Variants in CFAP47 observed in about 807,000 individuals in gnomAD.
The protein encoded by CFAP47 is cilia and flagella associated protein 47.
In CFAP47, 29 loss-of-function variants were observed where a neutral mutation model predicts 148.1. That is an observed-to-expected ratio of 0.20 (90% confidence interval 0.15 to 0.27). The LOEUF (loss-of-function observed/expected upper bound fraction) is 0.27. CFAP47 is among the 10% of genes least tolerant of loss of function. The pLI, the probability that CFAP47 is intolerant of heterozygous loss-of-function variation, is 1.00. For synonymous variants in CFAP47, 664 were observed against 577.3 expected (o/e 1.15, Z -2.15); for missense variants, 1,872 against 1,697.5 (o/e 1.10, Z -1.81).
At chrX:35,943,055 T>C (rs1432144492) in intron 3 of CFAP47, among the ~76,000 whole-genome samples, 2 of 111,428 alleles carry the variant, frequency 1.8e-5, no homozygotes, top group East Asian at 5.6e-4. Context: ...AATCAGATTA[T>C]TGTTTCTACT....
At chrX:36,079,059 T>C (rs1284044168) in intron 29 of CFAP47, among the ~76,000 whole-genome samples, 1 of 112,186 alleles carries the variant, frequency 8.9e-6, no homozygotes, top group Non-Finnish European at 1.9e-5. Context: ...GTTAGTCTGA[T>C]GGACTTCCCT....
At chrX:35,943,866 A>C (rs1936047507) in intron 3 of CFAP47, among the ~76,000 whole-genome samples, 1 of 111,075 alleles carries the variant, frequency 9.0e-6, no homozygotes, top group Admixed American at 9.6e-5. Flanking sequence ...TATGGAGTAC[A>C]TGAGATGTTT....
intron 49 of CFAP47, among the ~76,000 whole-genome samples, chrX:36,268,806 T>A (rs1307393692): frequency 8.9e-6 from 1 of 111,973 alleles, no homozygotes; most frequent in Non-Finnish European, 1.9e-5. Context: ...ATCTCAGATA[T>A]AGCAGTTACA....
intron 49 of CFAP47, among the ~76,000 whole-genome samples, chrX:36,276,491 T>C (rs1291600119): frequency 8.9e-6 from 1 of 112,187 alleles, no homozygotes; most frequent in Non-Finnish European, 1.9e-5. Context: ...TATTAAATTT[T>C]AGTATGTGTT....
At chrX:36,189,743 T>C (rs1555986216) in intron 41 of CFAP47, among the ~76,000 whole-genome samples, 1 of 112,309 alleles carries the variant, frequency 8.9e-6, no homozygotes, top group African/African-American at 3.2e-5. Context: ...AAACATTGCA[T>C]AGTCCACACA....
intron 49 of CFAP47, among the ~76,000 whole-genome samples, chrX:36,261,120 G>GT (rs1468848085): frequency 1.4e-3 from 105 of 74,060 alleles, no homozygotes; most frequent in African/African-American, 8.3e-3. Flanking sequence ...TTGTAGTATA[G>GT]TTTCTTTTTT....
chrX:35,942,658 G>A (rs1271916940), intron 3 of CFAP47, among the ~76,000 whole-genome samples: 2 of 111,391 alleles, frequency 1.8e-5, no homozygotes, highest in Non-Finnish European at 3.8e-5. Flanking sequence ...AACCTTCAAT[G>A]TTTTGATAGC....
chrX:36,049,022 G>A (rs998222970), intron 26 of CFAP47, among the ~76,000 whole-genome samples: 1 of 111,142 alleles, frequency 9.0e-6, no homozygotes, highest in Non-Finnish European at 1.9e-5. Flanking sequence ...AATAGGGTGA[G>A]AACCAGGAGA....
intron 37 of CFAP47, among the ~76,000 whole-genome samples, chrX:36,152,104 G>T (rs1426058683): frequency 9.4e-6 from 1 of 105,876 alleles, no homozygotes; most frequent in Non-Finnish European, 1.9e-5. Flanking sequence ...TGGTGATTAG[G>T]TTTTCTTCTC....
chrX:36,360,963 T>C (rs1556019127), intron 60 of CFAP47, among the ~76,000 whole-genome samples: 1 of 112,084 alleles, frequency 8.9e-6, no homozygotes, highest in Non-Finnish European at 1.9e-5. Context: ...TTTAAGTCTA[T>C]AGGTTTTTAA....
At chrX:36,293,484 C>G (rs1556005905) in intron 51 of CFAP47, among the ~76,000 whole-genome samples, 1 of 112,265 alleles carries the variant, frequency 8.9e-6, no homozygotes, top group Non-Finnish European at 1.9e-5. Flanking sequence ...TGATTCCTTC[C>G]TTTTTAGGGA....
intron 15 of CFAP47, among the ~76,000 whole-genome samples, chrX:35,987,498 G>GTGC (rs750365418): frequency 1.8e-5 from 2 of 111,726 alleles, no homozygotes; most frequent in African/African-American, 6.5e-5. Flanking sequence ...TCATACTGCT[G>GTGC]TGCTGGCAGT....
At chrX:36,228,135 T>C (rs1298547227) in intron 45 of CFAP47, among the ~76,000 whole-genome samples, 1 of 112,008 alleles carries the variant, frequency 8.9e-6, no homozygotes, top group East Asian at 2.8e-4. Context: ...CACCTCTAAG[T>C]CATAGAAATG....
chrX:36,192,087 T>C (rs2146876467), intron 42 of CFAP47, among the ~76,000 whole-genome samples: 1 of 111,664 alleles, frequency 9.0e-6, no homozygotes, highest in East Asian at 2.9e-4. Context: ...CCAACACTGT[T>C]ACGAAGCAAA....
chrX:36,181,002 C>A (rs912019270), intron 40 of CFAP47, among the ~76,000 whole-genome samples: 1 of 111,733 alleles, frequency 8.9e-6, no homozygotes, highest in South Asian at 3.7e-4. Context: ...TCTTTTCAGC[C>A]CCTTGATTCT....
chrX:36,155,306 A>G (rs1330658727), intron 37 of CFAP47, among the ~76,000 whole-genome samples: 9 of 111,864 alleles, frequency 8.0e-5, no homozygotes, highest in African/African-American at 2.9e-4. Context: ...CTCCTGACAC[A>G]TGGTTATTCA....
chrX:36,148,612 C>T lies in CFAP47; in HGVS notation c.5671-496C>T, dbSNP rs190163946. Among the ~76,000 whole-genome samples the T allele has an allele frequency of 7.1e-5, 8 of 112,051 alleles. No homozygotes were observed. In the East Asian group the frequency reaches 2.2e-3, roughly 31 times the overall value. On this transcript the variant is annotated intron_variant, in intron 36 of 63. Coordinates refer to ENST00000378653, the MANE Select transcript of CFAP47 (RefSeq NM_001304548.2). ...AGGAGGAAGGAGACAGCCAACCCTT[C>T]GTTGAACTACCACATCTAGACTGGG... is the stretch of plus-strand genomic sequence containing the variant.
chrX:36,332,193 A>T (rs12850969), intron 57 of CFAP47, among the ~76,000 whole-genome samples: 1 of 112,030 alleles, frequency 8.9e-6, no homozygotes, highest in Non-Finnish European at 1.9e-5. Context: ...TCTGGAAATA[A>T]CAAAATATAT....
At chrX:35,990,035 G>A (rs1936769823) in intron 16 of CFAP47, 2 of 111,680 alleles carry the variant, frequency 1.8e-5, no homozygotes, top group South Asian at 7.4e-4. Context: ...TTCATTATGT[G>A]TAAATTAGTT....
Sources: gnomAD v4.1 joint callset for allele counts (sites outside exome capture counted in the v4.1 genomes callset) on GRCh38, gnomAD v4.1.1 for gene constraint, MANE v1.5 for transcripts, NCBI Gene and HGNC (gene_info 2026-07-23, HGNC 2026-07-21) for gene names.